TMEM123: variants seen among roughly 807,000 people sequenced by gnomAD.
TMEM123 encodes the protein transmembrane protein 123, also known as porimin.
TMEM123 carries 16 observed loss-of-function variants against 19.7 expected under a neutral mutation model. The observed-to-expected ratio is 0.81, with a 90% CI of 0.55 to 1.23. The LOEUF is 1.23. TMEM123 is among the 50% of genes most tolerant of loss of function. TMEM123 has a pLI of 0.00. For missense variants in TMEM123, 313 were observed against 257.8 expected, an observed-to-expected ratio of 1.21 and a Z score of -1.47; for synonymous variants, 118 against 99.4, an observed-to-expected ratio of 1.19 and a Z score of -1.12.
chr11:102,411,335 C>T (rs917558343), intron 2 of TMEM123, among the ~76,000 whole-genome samples: 6 of 152,116 alleles, frequency 3.9e-5, no homozygotes, highest in Non-Finnish European at 8.8e-5. Flanking sequence ...GCTCTGCGCA[C>T]CATTCCTCCA....
At chr11:102,408,720 A>G (rs544207913) in intron 2 of TMEM123, among the ~76,000 whole-genome samples, 1 of 152,344 alleles carries the variant, frequency 6.6e-6, no homozygotes, top group African/African-American at 2.4e-5. Context: ...AGGCACTGTG[A>G]GATATCCGAG....
intron 2 of TMEM123, among the ~76,000 whole-genome samples, chr11:102,421,470 T>C (rs1055640928): frequency 2.6e-5 from 4 of 151,972 alleles, no homozygotes; most frequent in East Asian, 1.9e-4. Flanking sequence ...ACATAAGAAT[T>C]TGGTCATTAA....
chr11:102,411,048 G>A (rs554043061), intron 2 of TMEM123, among the ~76,000 whole-genome samples: 120 of 152,152 alleles, frequency 7.9e-4, no homozygotes, highest in African/African-American at 2.0e-3. Flanking sequence ...TGATGGGAGC[G>A]TCTTTGGTTA....
In TMEM123 at chr11:102,398,665, AAG is replaced by A. The variant is rs1951881787; in HGVS notation, c.*200_*201del. On this transcript the variant is annotated 3_prime_UTR_variant, in exon 5 of 5. Transcript: ENST00000398136. Reference sequence around the variant, plus strand: ...TAAAACCATTGTATGAACGGTCTATAAGGATCCAGATGTTTATTTCAAAACCC... The same window carrying A: ...TAAAACCATTGTATGAACGGTCTATAGATCCAGATGTTTATTTCAAAACCC... 2 of 433,746 alleles carry A rather than the reference AAG, an allele frequency of 4.6e-6. No homozygotes were observed. Among genetic ancestry groups the A allele is most frequent in the African/African-American group, 1.0e-4 (1 of 9,898 alleles). The allele number at this position is 433,746 out of a possible 1,614,324, so 26.9% of individuals were successfully genotyped here. A position where few individuals can be genotyped will look rare whatever the true frequency, so the allele number is the denominator to read the frequency against.
intron 2 of TMEM123, among the ~76,000 whole-genome samples, chr11:102,427,579 C>T (rs1952140336): frequency 6.7e-6 from 1 of 148,156 alleles, no homozygotes; most frequent in South Asian, 2.2e-4. Context: ...TGGCTGATGT[C>T]TGTAATCCCA....
intron 1 of TMEM123, chr11:102,452,285 G>T: frequency 2.6e-6 from 1 of 386,270 alleles, no homozygotes; most frequent in Non-Finnish European, 4.6e-6. Flanking sequence ...TGCGACCGCC[G>T]CATCCAAAAA....
intron 2 of TMEM123, among the ~76,000 whole-genome samples, chr11:102,403,471 A>T (rs1398326261): frequency 6.6e-6 from 1 of 152,256 alleles, no homozygotes; most frequent in Admixed American, 6.5e-5. Flanking sequence ...TAACGTTTAC[A>T]ACTATAGGTA....
chr11:102,408,803 T>A (rs1271113556), intron 2 of TMEM123, among the ~76,000 whole-genome samples: 1 of 152,176 alleles, frequency 6.6e-6, no homozygotes, highest in Non-Finnish European at 1.5e-5. Context: ...ATTTTTGATT[T>A]ATCAATGCAA....
intron 2 of TMEM123, among the ~76,000 whole-genome samples, chr11:102,421,260 A>T (rs1305716221): frequency 2.6e-5 from 4 of 152,296 alleles, no homozygotes; most frequent in African/African-American, 9.6e-5. Flanking sequence ...TAACAACAAC[A>T]ACTTCTCATA....
intron 4 of TMEM123, among the ~76,000 whole-genome samples, chr11:102,400,965 C>G (rs1565346202): frequency 6.6e-6 from 1 of 152,184 alleles, no homozygotes; most frequent in East Asian, 1.9e-4. Flanking sequence ...CTCAAACCAT[C>G]AGACCTATAG....
chr11:102,445,175 A>G (rs1221547027), intron 2 of TMEM123, among the ~76,000 whole-genome samples: 2 of 152,254 alleles, frequency 1.3e-5, no homozygotes, highest in African/African-American at 4.8e-5. Context: ...TATAAAAAAA[A>G]ATTACCATCA....
At chr11:102,401,863 T>G (rs1951915809) in intron 3 of TMEM123, 53 bp downstream of exon 3, 3 of 1,569,476 alleles carry the variant, frequency 1.9e-6, no homozygotes, top group Non-Finnish European at 2.6e-6. Flanking sequence ...GACTTAAATG[T>G]GGCATTTAAC....
At chr11:102,425,614 A>C in intron 2 of TMEM123, among the ~76,000 whole-genome samples, 2 of 117,966 alleles carry the variant, frequency 1.7e-5, no homozygotes, top group Non-Finnish European at 1.6e-5. Flanking sequence ...GCAAGGTCTC[A>C]CTCTGTTGCC....
intron 2 of TMEM123, among the ~76,000 whole-genome samples, chr11:102,441,363 C>G (rs1168525487): frequency 2.0e-5 from 3 of 152,212 alleles, no homozygotes; most frequent in African/African-American, 7.2e-5. Flanking sequence ...ACAGTGCAAT[C>G]AAACTAGAAC....
chr11:102,430,766 G>A (rs897261812), intron 2 of TMEM123, among the ~76,000 whole-genome samples: 2 of 152,216 alleles, frequency 1.3e-5, no homozygotes, highest in Non-Finnish European at 2.9e-5. Context: ...TTAGCCGCAT[G>A]AGACAGCCAT....
intron 4 of TMEM123, among the ~76,000 whole-genome samples, chr11:102,400,237 C>G (rs954642615): frequency 2.6e-5 from 4 of 152,170 alleles, no homozygotes; most frequent in African/African-American, 9.7e-5. Context: ...AATACTAGTT[C>G]CAAGAGATAG....
chr11:102,410,865 C>T (rs1158791164), intron 2 of TMEM123, among the ~76,000 whole-genome samples: 2 of 152,168 alleles, frequency 1.3e-5, no homozygotes, highest in Non-Finnish European at 2.9e-5. Context: ...GTTTGATTTT[C>T]ACCTCCTCCT....
At chr11:102,438,743 G>A (rs531893226) in intron 2 of TMEM123, among the ~76,000 whole-genome samples, 81 of 152,300 alleles carry the variant, frequency 5.3e-4, no homozygotes, top group Admixed American at 3.9e-3. Context: ...GGGGCTTGTC[G>A]GACAGTGGCT....
At chr11:102,447,725 T>C (rs910929423) in intron 2 of TMEM123, among the ~76,000 whole-genome samples, 1 of 152,210 alleles carries the variant, frequency 6.6e-6, no homozygotes, top group Non-Finnish European at 1.5e-5. Context: ...CTCTAGACTT[T>C]TTTTCCTCTC....
Sources: allele counts gnomAD v4.1 joint callset (sites outside exome capture counted in the v4.1 genomes callset), GRCh38; gene constraint gnomAD v4.1.1; transcripts MANE v1.5; gene names NCBI Gene and HGNC (gene_info 2026-07-23, HGNC 2026-07-21).